The following ZFHX3 variants were observed in gnomAD, a reference collection of about 807,000 sequenced individuals.
ZFHX3 encodes the protein zinc finger homeobox protein 3.
Under a neutral mutation model 279.1 loss-of-function variants are expected in ZFHX3, and 42 were observed. That is an observed-to-expected ratio of 0.15 (90% CI 0.12 to 0.19). ZFHX3 has a LOEUF of 0.19. ZFHX3 is among the 10% of genes least tolerant of loss of function. The pLI is 1.00. For synonymous variants in ZFHX3, 2,293 were observed against 1,957.8 expected (o/e 1.17, Z -4.52); for missense variants, 4,981 against 4,754.0 (o/e 1.05, Z -1.40).
chr16:72,832,353 G>A (rs1182465445), intron 4 of ZFHX3, among the ~76,000 whole-genome samples: 1 of 152,080 alleles, frequency 6.6e-6, no homozygotes, highest in Non-Finnish European at 1.5e-5. Flanking sequence ...TATTCCTGGA[G>A]CTCTCATTCT....
intron 1 of ZFHX3, among the ~76,000 whole-genome samples, chr16:73,846,467 G>A (rs1246838640): frequency 6.6e-6 from 1 of 152,114 alleles, no homozygotes; most frequent in Non-Finnish European, 1.5e-5. Flanking sequence ...ATCAAGCTGT[G>A]ACTCTGTTTA....
rs565664402 is a variant in ZFHX3, at chr16:72,874,198, A to ATTTTTTTTTTTTTTTT, written c.3448+15517_3448+15532dup. ...TGGAGCTCAGATGGAGGATTTTTTG[A>ATTTTTTTTTTTTTTTT]TTTTTTTTTTTTTTTTTTTTTTTTT... is the stretch of plus-strand genomic sequence containing the variant. On this transcript the variant is annotated intron_variant, in intron 4 of 9. Transcript: ENST00000268489. 3.9e-4 allele frequency among the ~76,000 whole-genome samples: 37 copies of ATTTTTTTTTTTTTTTT among 95,136 alleles called. 3 individuals are homozygous for ATTTTTTTTTTTTTTTT. The highest frequency in any genetic ancestry group is 1.4e-3 in the African/African-American group (30 of 21,236). 62.4% of individuals were successfully genotyped at this position (95,136 alleles called of 152,430 possible).
chr16:73,776,715 T>C (rs982241291), intron 1 of ZFHX3, among the ~76,000 whole-genome samples: 1 of 152,174 alleles, frequency 6.6e-6, no homozygotes, highest in African/African-American at 2.4e-5. Context: ...CTGAACTGAA[T>C]GGCTCTTTAT....
At chr16:72,911,508 T>C (rs2039315417) in intron 3 of ZFHX3, among the ~76,000 whole-genome samples, 1 of 152,154 alleles carries the variant, frequency 6.6e-6, no homozygotes, top group South Asian at 2.1e-4. Context: ...CGAAATCAGT[T>C]TACCTTCTCG....
At chr16:73,085,461 G>C (rs528233650) in intron 8 of ZFHX3, among the ~76,000 whole-genome samples, 1 of 152,224 alleles carries the variant, frequency 6.6e-6, no homozygotes, top group South Asian at 2.1e-4. Flanking sequence ...GGTCAGGCTG[G>C]TCTTGAATTC....
chr16:73,622,046 G>C (rs147868384), intron 2 of ZFHX3, among the ~76,000 whole-genome samples: 293 of 152,268 alleles, frequency 1.9e-3, no homozygotes, highest in African/African-American at 6.8e-3. Flanking sequence ...TCTGTTTCAA[G>C]CTTTCCATGT....
chr16:73,854,677 G>A (rs917013470), intron 1 of ZFHX3, among the ~76,000 whole-genome samples: 5 of 127,228 alleles, frequency 3.9e-5, no homozygotes, highest in Non-Finnish European at 8.0e-5. Flanking sequence ...AAAATACTAA[G>A]TCTGCTTGCT....
At chr16:73,393,025 G>A (rs932093478) in intron 3 of ZFHX3, among the ~76,000 whole-genome samples, 1 of 152,164 alleles carries the variant, frequency 6.6e-6, no homozygotes. Flanking sequence ...AGTAGAGATG[G>A]GGTTTCACCA....
chr16:72,923,526 T>C (rs908395328), intron 3 of ZFHX3, among the ~76,000 whole-genome samples: 2 of 152,066 alleles, frequency 1.3e-5, no homozygotes, highest in African/African-American at 4.8e-5. Flanking sequence ...TCACATTATT[T>C]ATAAAATCAA....
In ZFHX3 at chr16:73,130,860, G is replaced by A. The variant is rs141530383; in HGVS notation, c.-897+108C>T. The A allele has an allele frequency of 5.8e-3, 5,406 of 933,822 alleles. 17 individuals carry two copies. Among genetic ancestry groups the A allele is most frequent in the Non-Finnish European group, 7.3e-3 (5,162 of 711,540 alleles). 57.8% of individuals were successfully genotyped at this position (933,822 alleles called of 1,614,324 possible). On this transcript the variant is annotated intron_variant, in intron 7 of 17. Coordinates refer to the ZFHX3 transcript ENST00000641206. ...TGACCTCAGGTGATCCACCTGCCTC[G>A]GCCTCCCAAAGTGCTGGGATCACAG...
intron 5 of ZFHX3, among the ~76,000 whole-genome samples, chr16:73,203,098 C>A (rs955894089): frequency 4.6e-5 from 7 of 152,128 alleles, no homozygotes; most frequent in African/African-American, 1.7e-4. Flanking sequence ...GCTCACACAG[C>A]CTCTTGGTGC....
At chr16:73,263,582 C>T (rs2013883904) in intron 4 of ZFHX3, among the ~76,000 whole-genome samples, 1 of 152,176 alleles carries the variant, frequency 6.6e-6, no homozygotes, top group Non-Finnish European at 1.5e-5. Flanking sequence ...CTCCCAGAAG[C>T]AGCTTCTGTT....
chr16:72,812,011 A>C lies in ZFHX3; in HGVS notation c.3557T>G (p.Leu1186Arg). The C allele has an allele frequency of 1.2e-6, 2 of 1,614,158 alleles. No individual in the cohort carries two copies. The highest frequency in any genetic ancestry group is 1.3e-5 in the African/African-American group (1 of 75,030). Residue 1186 changes from leucine (L) to arginine (R), a missense_variant, in exon 6 of 10, where the codon CTG (leucine) becomes CGG (arginine). Physicochemically the swap from Leu to Arg is moderately radical, Grantham distance 102. This residue lies in a region of ZFHX3 where 1,751 missense variants were observed against 1,770.0 expected (regional missense o/e 0.99). Transcript: ENST00000268489. The stretch of plus-strand genomic sequence containing the variant: ...TTTGGAGGTTGCAGGAGAATCTGTC[A>C]GCTCCTTCTCTGCTTGGCTGGACGA... ...GASSSQAEKELTDSPATSKRI... is the reference protein window; with the variant it reads ...GASSSQAEKERTDSPATSKRI...
chr16:73,185,051 C>T (rs548120490), intron 5 of ZFHX3, among the ~76,000 whole-genome samples: 14 of 151,414 alleles, frequency 9.2e-5, no homozygotes, highest in Non-Finnish European at 1.8e-4. Flanking sequence ...CATCATAGCT[C>T]ACTGCAGCCT....
intron 5 of ZFHX3, among the ~76,000 whole-genome samples, chr16:73,171,433 G>C (rs1485973011): frequency 2.3e-5 from 3 of 133,102 alleles, no homozygotes; most frequent in African/African-American, 8.5e-5. Context: ...ATAGTGCTTG[G>C]TCTACAGTGA....
chr16:73,176,276 A>G (rs1967661486), intron 5 of ZFHX3, among the ~76,000 whole-genome samples: 1 of 152,196 alleles, frequency 6.6e-6, no homozygotes, highest in African/African-American at 2.4e-5. Flanking sequence ...GGATGAATTA[A>G]CTCATCAACT....
intron 5 of ZFHX3, among the ~76,000 whole-genome samples, chr16:73,245,332 T>C (rs2144948441): frequency 6.6e-6 from 1 of 152,312 alleles, no homozygotes; most frequent in South Asian, 2.1e-4. Context: ...TTCAGTTGTG[T>C]GATCATAGCT....
intron 2 of ZFHX3, among the ~76,000 whole-genome samples, chr16:73,476,242 T>C (rs1042889277): frequency 3.3e-5 from 5 of 152,164 alleles, no homozygotes; most frequent in African/African-American, 1.2e-4. Flanking sequence ...AAAAGCTAAA[T>C]ATTTTAACGT....
chr16:73,336,338 C>T lies in ZFHX3; in HGVS notation c.-1290-18002G>A, dbSNP rs117445118. Among the ~76,000 whole-genome samples, 1,406 of 151,984 alleles carry T rather than the reference C, an allele frequency of 9.3e-3. 11 individuals are homozygous for T. Among genetic ancestry groups the T allele is most frequent in the Non-Finnish European group, 0.015 (1,028 of 67,962 alleles). ...TTGGTGTACAGGGTAATCCATCACC[C>T]GGACAATAAGCATAGCACCTGATAG... On this transcript the variant is annotated intron_variant, in intron 3 of 17. Transcript: ENST00000641206.
Sources: gnomAD v4.1 joint callset for allele counts (sites outside exome capture counted in the v4.1 genomes callset) on GRCh38, gnomAD v4.1.1 for gene constraint, gnomAD v4.1.1 regional missense constraint, MANE v1.5 for transcripts, NCBI Gene and HGNC (gene_info 2026-07-23, HGNC 2026-07-21) for gene names.